Variants in FRMPD3 observed in about 807,000 individuals in gnomAD.
FRMPD3 encodes the protein FERM and PDZ domain-containing protein 3.
A neutral mutation model predicts 97.9 loss-of-function variants in FRMPD3; 42 were observed. That is an observed-to-expected ratio of 0.43 (90% CI 0.34 to 0.55). The LOEUF (loss-of-function observed/expected upper bound fraction) is 0.55, where lower values mean the gene tolerates loss of function less well. FRMPD3 is among the 20% of genes least tolerant of loss of function. The pLI is 0.03. For missense variants in FRMPD3, 1,303 were observed against 1,457.7 expected (o/e 0.89, Z 1.73); for synonymous variants, 577 against 581.1 (o/e 0.99, Z 0.10).
chrX:107,564,435 TTGAG>T (rs1165608650), intron 11 of FRMPD3, among the ~76,000 whole-genome samples: 8 of 112,098 alleles, frequency 7.1e-5, no homozygotes, highest in Middle Eastern at 4.2e-3. Flanking sequence ...AAGTGCAAGT[TTGAG>T]TGGCTGTTGG....
intron 5 of FRMPD3, 44 bp from the exon 6 acceptor site, chrX:107,550,005 T>G: frequency 1.1e-6 from 1 of 902,114 alleles, no homozygotes; most frequent in Non-Finnish European, 1.6e-6. Context: ...CCTACTTCCT[T>G]CTAAATGAGC....
intron 1 of FRMPD3, among the ~76,000 whole-genome samples, chrX:107,514,572 CT>C (rs1443402783): frequency 9.5e-6 from 1 of 105,269 alleles, no homozygotes; most frequent in Non-Finnish European, 1.9e-5. Flanking sequence ...GTCACCCAGG[CT>C]GGAGTGCAGT....
At chrX:107,569,294 C>CA (rs752263727) in intron 12 of FRMPD3, among the ~76,000 whole-genome samples, 918 of 20,312 alleles carry the variant, frequency 0.045, 35 homozygotes, top group African/African-American at 0.066. Flanking sequence ...GACTCCATCT[C>CA]AAAAAAAAAA....
chrX:107,466,896 A>G (rs1431102612), intron 1 of FRMPD3, among the ~76,000 whole-genome samples: 1 of 111,421 alleles, frequency 9.0e-6, no homozygotes, highest in African/African-American at 3.3e-5. Flanking sequence ...ACCTCCCCTC[A>G]CTGACCACAT....
At chrX:107,541,810 G>C (rs1411378615) in intron 4 of FRMPD3, among the ~76,000 whole-genome samples, 1 of 112,352 alleles carries the variant, frequency 8.9e-6, no homozygotes. Flanking sequence ...AGCCTGCTGT[G>C]GGGGAACAAC....
intron 1 of FRMPD3, among the ~76,000 whole-genome samples, chrX:107,505,998 G>T (rs2147531696): frequency 8.9e-6 from 1 of 112,000 alleles, no homozygotes; most frequent in South Asian, 3.8e-4. Flanking sequence ...CATGGAAGGG[G>T]TGTCTGAGAA....
In FRMPD3 at chrX:107,597,320, G is replaced by A. The variant is rs1169830528; in HGVS notation, c.1442-1G>A. 1 of 1,190,342 alleles carries A rather than the reference G, an allele frequency of 8.4e-7. No individual in the cohort carries two copies. The highest frequency in any genetic ancestry group is 1.1e-6 in the Non-Finnish European group (1 of 886,190). ...TCTGTTGATTCTCTTTCTGGGTTTA[G>A]ATTACATGCACAGCGCCCACCGCCC... is the stretch of plus-strand genomic sequence containing the variant. On this transcript the variant is annotated splice_acceptor_variant, in intron 13 of 14. Transcript: ENST00000683843. LOFTEE classifies it high-confidence loss of function.
At chrX:107,580,379 A>T (rs1415156426) in intron 13 of FRMPD3, among the ~76,000 whole-genome samples, 1 of 111,930 alleles carries the variant, frequency 8.9e-6, no homozygotes, top group Non-Finnish European at 1.9e-5. Flanking sequence ...GAGATTTGGG[A>T]TTCTTCAAGC....
chrX:107,542,071 T>C (rs1252963582), intron 4 of FRMPD3, among the ~76,000 whole-genome samples: 1 of 112,414 alleles, frequency 8.9e-6, no homozygotes, highest in African/African-American at 3.2e-5. Context: ...ACTTGCCTCA[T>C]GTTTGTGGCA....
intron 1 of FRMPD3, among the ~76,000 whole-genome samples, chrX:107,522,087 G>A (rs1295431407): frequency 1.8e-5 from 2 of 111,523 alleles, no homozygotes; most frequent in African/African-American, 6.5e-5. Flanking sequence ...AGGTTGTCTC[G>A]TAGTTGGGTC....
chrX:107,531,313 G>A (rs1295235705), intron 3 of FRMPD3, among the ~76,000 whole-genome samples: 1 of 108,407 alleles, frequency 9.2e-6, no homozygotes, highest in Non-Finnish European at 1.9e-5. Flanking sequence ...GTACATGCTC[G>A]CTCTTTCTCT....
At chrX:107,481,028 G>A (rs747413872) in intron 1 of FRMPD3, among the ~76,000 whole-genome samples, 15 of 111,245 alleles carry the variant, frequency 1.3e-4, no homozygotes, top group East Asian at 5.7e-4. Context: ...CTTTACTCTC[G>A]AAATCTCATC....
At position 107,560,871 on chromosome X, in the gene FRMPD3, C is replaced by T; in HGVS notation, c.1026+18C>T. Reference sequence around the variant, plus strand: ...GCACCAAGGTATCCAGAGTAGACCACTGGGCATGGTGCTCCAGGCACTACT... The same window carrying T: ...GCACCAAGGTATCCAGAGTAGACCATTGGGCATGGTGCTCCAGGCACTACT... On this transcript the variant is annotated intron_variant, in intron 10 of 14. Transcript: ENST00000683843. 1 of 1,183,142 alleles carries T rather than the reference C, an allele frequency of 8.5e-7. No homozygotes were observed. Among genetic ancestry groups the T allele is most frequent in the South Asian group, 1.9e-5 (1 of 51,785 alleles).
chrX:107,577,782 C>T (rs1012166513), intron 13 of FRMPD3, among the ~76,000 whole-genome samples: 1 of 111,648 alleles, frequency 9.0e-6, no homozygotes, highest in Admixed American at 9.6e-5. Flanking sequence ...ATCTTCTCAC[C>T]TCTTGTCTCT....
At chrX:107,520,832 C>A (rs1466836262) in intron 1 of FRMPD3, among the ~76,000 whole-genome samples, 6 of 112,179 alleles carry the variant, frequency 5.3e-5, no homozygotes, top group African/African-American at 1.9e-4. Flanking sequence ...ATCTCAGTTT[C>A]CTTATCTGTA....
chrX:107,574,178 C>T (rs1380250797), intron 12 of FRMPD3, among the ~76,000 whole-genome samples: 1 of 111,632 alleles, frequency 9.0e-6, no homozygotes, highest in Admixed American at 9.5e-5. Context: ...CGCTGTGGCT[C>T]ATGCCTGTAA....
rs59276897 is a variant in FRMPD3, at chrX:107,557,797, C to CTATATATA, written c.763-2423_763-2416dup. Among the ~76,000 whole-genome samples the CTATATATA allele has an allele frequency of 3.7e-3, 112 of 30,024 alleles. 5 individuals carry two copies. The highest frequency in any genetic ancestry group is 8.9e-3 in the South Asian group (2 of 225). 26.1% of individuals were successfully genotyped at this position (30,024 alleles called of 115,157 possible). On this transcript the variant is annotated intron_variant, in intron 8 of 14. Coordinates refer to ENST00000683843, the MANE Select transcript of FRMPD3 (RefSeq NM_001388459.1). ...TGTACTTTTGTTAAAAATCTGTTGT[C>CTATATATA]TATATATATATATATATATATATAT...
chrX:107,508,172 A>G (rs1191813111), intron 1 of FRMPD3, among the ~76,000 whole-genome samples: 3 of 112,097 alleles, frequency 2.7e-5, no homozygotes, highest in Non-Finnish European at 5.6e-5. Flanking sequence ...TCTCACTGTT[A>G]ACTACTAGAA....
chrX:107,464,983 A>G (rs112505306), intron 1 of FRMPD3, among the ~76,000 whole-genome samples: 2,363 of 111,929 alleles, frequency 0.021, 52 homozygotes, highest in African/African-American at 0.073. Flanking sequence ...TGACTCGTTC[A>G]TGCACATATA....
Sources: gnomAD v4.1 joint callset for allele counts (sites outside exome capture counted in the v4.1 genomes callset) on GRCh38, gnomAD v4.1.1 for gene constraint, MANE v1.5 for transcripts, NCBI Gene and HGNC (gene_info 2026-07-23, HGNC 2026-07-21) for gene names.